Variants in STYXL2 observed in about 807,000 individuals in gnomAD.
STYXL2 encodes the protein serine/threonine/tyrosine interacting like 2, also known as serine/threonine/tyrosine-interacting-like protein 2.
STYXL2 carries 44 observed loss-of-function variants against 52.4 expected under a neutral mutation model. That is an observed-to-expected ratio of 0.84 (90% CI 0.66 to 1.08). STYXL2 has a LOEUF of 1.08. STYXL2 is among the 50% of genes least tolerant of loss of function. The probability of loss-of-function intolerance (pLI) is 0.00; values close to 1 mark genes in which losing one functional copy is unlikely to be tolerated. For missense variants in STYXL2, 1,604 were observed against 1,471.7 expected, an observed-to-expected ratio of 1.09 and a Z score of -1.47; for synonymous variants, 604 against 586.9, an observed-to-expected ratio of 1.03 and a Z score of -0.42.
chr1:167,122,350 A>G (rs1458874553), intron 5 of STYXL2, among the ~76,000 whole-genome samples: 2 of 152,074 alleles, frequency 1.3e-5, no homozygotes, highest in Non-Finnish European at 2.9e-5. Flanking sequence ...TCAGATAGCA[A>G]ATGGCCATCC....
chr1:167,127,828 T>C lies in STYXL2; in HGVS notation c.2697T>C (p.Ser899=), dbSNP rs1668008895. The part of the protein sequence containing the change: ...TDSAIGSFRY[S]SRSNSQKPET... ...GTGCCATAGGGAGCTTCCGATATTC[T>C]TCCCGCAGTAATTCCCAGAAACCTG... The change falls in exon 6 of 6, where the codon TCT becomes TCC. Residue 899 remains serine, a synonymous_variant. Coordinates refer to ENST00000361200, the MANE Select transcript of STYXL2 (RefSeq NM_001080426.3). 1 of 1,613,792 alleles carries C rather than the reference T, an allele frequency of 6.2e-7. No homozygotes were observed. Among genetic ancestry groups the C allele is most frequent in the Non-Finnish European group, 8.5e-7 (1 of 1,180,030 alleles).
intron 4 of STYXL2, 96 bp from the exon 5 acceptor site, chr1:167,119,153 G>C: frequency 8.8e-7 from 1 of 1,137,306 alleles, no homozygotes; most frequent in Non-Finnish European, 1.3e-6. Context: ...TTGCCCAGCT[G>C]TGGCCCTAGA....
chr1:167,111,958 T>C (rs1224883661), intron 2 of STYXL2, among the ~76,000 whole-genome samples: 1 of 152,074 alleles, frequency 6.6e-6, no homozygotes, highest in Admixed American at 6.5e-5. Flanking sequence ...GTTGTCCAAC[T>C]TCAGGAGAAT....
chr1:167,094,658 G>A lies in STYXL2; in HGVS notation c.-16-176G>A, dbSNP rs528544924. On this transcript the variant is annotated intron_variant, in intron 1 of 5. Coordinates refer to ENST00000361200, the MANE Select transcript of STYXL2 (RefSeq NM_001080426.3). ...CTAATATGGCGGGGTGCACTTCTTG[G>A]TGTCCCGGTAACAGTGGCTGGGCCA... Among the ~76,000 whole-genome samples the A allele has an allele frequency of 1.1e-4, 16 of 152,194 alleles. No individual in the cohort carries two copies. The Middle Eastern group carries it at 0.01, about 97-fold the overall frequency.
chr1:167,110,350 C>CA (rs780737934), intron 2 of STYXL2, among the ~76,000 whole-genome samples: 8 of 152,150 alleles, frequency 5.3e-5, no homozygotes, highest in Non-Finnish European at 5.9e-5. Flanking sequence ...ATTAGTTCAC[C>CA]AGCAATGAAT....
chr1:167,100,284 A>G (rs773718181), intron 2 of STYXL2, among the ~76,000 whole-genome samples: 389 of 152,342 alleles, frequency 2.6e-3, no homozygotes, highest in Non-Finnish European at 3.3e-3. Context: ...ATCACCTCTT[A>G]AGACACTACC....
chr1:167,117,244 T>C, intron 3 of STYXL2, 84 bp from the exon 4 acceptor site: 1 of 1,254,134 alleles, frequency 8.0e-7, no homozygotes, highest in African/African-American at 1.5e-5. Context: ...GGCAGCAAAC[T>C]GGCCAAGAGC....
chr1:167,111,497 TATATATATATATATATACACAC>T (rs1394676591), intron 2 of STYXL2, among the ~76,000 whole-genome samples: 20 of 47,860 alleles, frequency 4.2e-4, no homozygotes, highest in Middle Eastern at 8.3e-3. Flanking sequence ...TATATATATA[TATATATATATATATATACACAC>T]ACACACACAC....
intron 2 of STYXL2, among the ~76,000 whole-genome samples, chr1:167,109,010 T>C (rs1667562473): frequency 6.6e-6 from 1 of 152,168 alleles, no homozygotes; most frequent in Non-Finnish European, 1.5e-5. Context: ...AAGAGCCCTG[T>C]AAGCACTCTC....
Position 167,126,677 on chromosome 1 carries a change from C to T in STYXL2, c.1546C>T (p.Arg516Trp), listed in dbSNP as rs1178648571. The T allele has an allele frequency of 3.7e-6, 6 of 1,613,912 alleles. No homozygotes were observed. Among genetic ancestry groups the T allele is most frequent in the Non-Finnish European group, 5.1e-6 (6 of 1,180,006 alleles). ...GAGCTCAGAAGCAGGGAGCAGGGTG[C>T]GGGAGGATGATGAGGACAGCGTGGG... ...DRSSEAGSRV[R>W]EDDEDSVGSE... Residue 516 changes from arginine (R) to tryptophan (W), a missense_variant, in exon 6 of 6, where the codon CGG becomes TGG. Coordinates refer to ENST00000361200, the MANE Select transcript of STYXL2 (RefSeq NM_001080426.3).
rs138837909 is a variant in STYXL2, at chr1:167,095,500, T to C, written c.110+541T>C. Among the ~76,000 whole-genome samples, 454 of 152,316 alleles carry C rather than the reference T, an allele frequency of 3.0e-3. 2 individuals carry two copies. Among genetic ancestry groups the C allele is most frequent in the African/African-American group, 0.011 (439 of 41,568 alleles). On this transcript the variant is annotated intron_variant, in intron 2 of 5. Coordinates refer to ENST00000361200, the MANE Select transcript of STYXL2 (RefSeq NM_001080426.3). Reference sequence around the variant, plus strand: ...GCAAGATGCCAAGAGGCATGAGGCATCTTCCTGGAGAGTCCTCTTTTTACC... The same window carrying C: ...GCAAGATGCCAAGAGGCATGAGGCACCTTCCTGGAGAGTCCTCTTTTTACC...
At chr1:167,108,332 C>A (rs1200322479) in intron 2 of STYXL2, among the ~76,000 whole-genome samples, 1 of 152,170 alleles carries the variant, frequency 6.6e-6, no homozygotes, top group African/African-American at 2.4e-5. Flanking sequence ...CTGCCACCCC[C>A]ACTAGGTGTT....
At chr1:167,123,925 T>A (rs116481117) in intron 5 of STYXL2, among the ~76,000 whole-genome samples, 1 of 151,900 alleles carries the variant, frequency 6.6e-6, no homozygotes, top group East Asian at 1.9e-4. Flanking sequence ...CACCCTTGTT[T>A]GTTTATTTTT....
intron 2 of STYXL2, among the ~76,000 whole-genome samples, chr1:167,105,661 C>G (rs1209741567): frequency 6.6e-6 from 1 of 152,148 alleles, no homozygotes; most frequent in Non-Finnish European, 1.5e-5. Context: ...AACAAGCGTC[C>G]GTTTTAGGTC....
chr1:167,117,073 T>C (rs1365132220), intron 3 of STYXL2, among the ~76,000 whole-genome samples: 3 of 152,186 alleles, frequency 2.0e-5, no homozygotes, highest in Non-Finnish European at 4.4e-5. Context: ...CAGAGAAGCA[T>C]GGGAGGGAGT....
In STYXL2 at chr1:167,126,712, C is replaced by T. The variant is rs767546065; in HGVS notation, c.1581C>T (p.Ala527=). 1.2e-6 allele frequency: 2 copies of T among 1,614,182 alleles called. No individual in the cohort carries two copies. Among genetic ancestry groups the T allele is most frequent in the Admixed American group, 3.3e-5 (2 of 60,028 alleles). Residue 527 remains alanine (A), a synonymous_variant, in exon 6 of 6, where the codon GCC becomes GCT. Transcript: ENST00000361200. Reference sequence around the variant, plus strand: ...ATGAGGACAGCGTGGGCTCTGAGGCCAGTTCCTTCTACAACTTCTGCAGCA... The same window carrying T: ...ATGAGGACAGCGTGGGCTCTGAGGCTAGTTCCTTCTACAACTTCTGCAGCA... ...EDDEDSVGSE[A]SSFYNFCSRN...
rs761274494 is a variant in STYXL2 at position 167,113,756 on chromosome 1, C to A, written c.157C>A (p.Pro53Thr). The part of the protein sequence containing the change: ...DAETESIFME[P>T]IHLSSAIAAK... ...AGAAACAGAAAGCATTTTCATGGAA[C>A]CCATTCACCTCTCCTCAGCCATTGC... The change falls in exon 3 of 6, where the codon CCC becomes ACC. Residue 53 changes from proline (P) to threonine (T), a missense_variant. Physicochemically the swap from Pro to Thr is conservative, Grantham distance 38. Transcript: ENST00000361200. 6.2e-7 allele frequency: 1 copy of A among 1,614,042 alleles called. No homozygotes were observed. The highest frequency in any genetic ancestry group is 1.7e-5 in the Admixed American group (1 of 60,018).
In STYXL2 at chr1:167,111,513, T is replaced by TATACACAC. The variant is rs1211215448; in HGVS notation, c.111-2196_111-2195insTACACACA. Among the ~76,000 whole-genome samples the TATACACAC allele has an allele frequency of 2.1e-3, 104 of 49,984 alleles. 1 individual carries two copies. Among genetic ancestry groups the TATACACAC allele is most frequent in the African/African-American group, 5.3e-3 (43 of 8,142 alleles). The allele number at this position is 49,984 out of a possible 152,430, so 32.8% of individuals were successfully genotyped here. A position where few individuals can be genotyped will look rare whatever the true frequency, so the allele number is the denominator to read the frequency against. ...ATATATATATATATATATATATATA[T>TATACACAC]ACACACACACACACACAAATATATA... On this transcript the variant is annotated intron_variant, in intron 2 of 5. Transcript: ENST00000361200.
At chr1:167,096,215 G>C (rs534099604) in intron 2 of STYXL2, among the ~76,000 whole-genome samples, 1 of 152,078 alleles carries the variant, frequency 6.6e-6, no homozygotes, top group African/African-American at 2.4e-5. Flanking sequence ...CCGAGATCGC[G>C]CCACTGAACT....
Sources: allele counts gnomAD v4.1 joint callset (sites outside exome capture counted in the v4.1 genomes callset), GRCh38; gene constraint gnomAD v4.1.1; transcripts MANE v1.5; gene names NCBI Gene and HGNC (gene_info 2026-07-23, HGNC 2026-07-21).